The following PIP4K2A variants were observed in gnomAD, a reference collection of about 807,000 sequenced individuals.
PIP4K2A encodes the protein phosphatidylinositol 5-phosphate 4-kinase type-2 alpha.
Under a neutral mutation model 42.9 loss-of-function variants are expected in PIP4K2A, and 14 were observed. The observed-to-expected ratio is 0.33, with a 90% CI of 0.22 to 0.51. PIP4K2A has a LOEUF of 0.51. PIP4K2A is among the 20% of genes least tolerant of loss of function. The probability of loss-of-function intolerance (pLI) is 0.97; values close to 1 mark genes in which losing one functional copy is unlikely to be tolerated. For missense variants in PIP4K2A, 434 were observed against 519.8 expected, an observed-to-expected ratio of 0.83 and a Z score of 1.61; for synonymous variants, 192 against 192.2, an observed-to-expected ratio of 1.00 and a Z score of 0.01.
intron 1 of PIP4K2A, among the ~76,000 whole-genome samples, chr10:22,677,026 CCTTAT>C (rs1237458322): frequency 6.6e-6 from 1 of 152,160 alleles, no homozygotes; most frequent in Admixed American, 6.5e-5. Context: ...AAATTACTTT[CCTTAT>C]ATTTCTCTTT....
intron 4 of PIP4K2A, among the ~76,000 whole-genome samples, chr10:22,591,414 C>T (rs188425499): frequency 6.6e-6 from 1 of 152,210 alleles, no homozygotes; most frequent in African/African-American, 2.4e-5. Flanking sequence ...AAGTGTTATA[C>T]AAATAATGAA....
chr10:22,594,735 A>C (rs1056840182), intron 3 of PIP4K2A, among the ~76,000 whole-genome samples: 1 of 152,214 alleles, frequency 6.6e-6, no homozygotes, highest in African/African-American at 2.4e-5. Context: ...GAAACGTAAA[A>C]GCAAATAATG....
At chr10:22,638,939 C>T (rs1042084535) in intron 1 of PIP4K2A, among the ~76,000 whole-genome samples, 2 of 152,130 alleles carry the variant, frequency 1.3e-5, no homozygotes, top group Non-Finnish European at 2.9e-5. Flanking sequence ...TTTTTGTTAG[C>T]ACCACCCTGA....
intron 7 of PIP4K2A, 28 bp downstream of exon 7, chr10:22,550,631 G>T: frequency 8.7e-7 from 1 of 1,144,626 alleles, no homozygotes; most frequent in Non-Finnish European, 1.3e-6. Context: ...TATACAATGA[G>T]TCTGGCCTCT....
chr10:22,553,055 A>C (rs1008331132), intron 6 of PIP4K2A, among the ~76,000 whole-genome samples: 2 of 152,140 alleles, frequency 1.3e-5, no homozygotes, highest in African/African-American at 4.8e-5. Context: ...GGAAAGTATA[A>C]TCCTACCTCA....
intron 1 of PIP4K2A, among the ~76,000 whole-genome samples, chr10:22,628,412 C>G (rs998154225): frequency 1.3e-5 from 2 of 151,982 alleles, no homozygotes; most frequent in African/African-American, 4.8e-5. Flanking sequence ...AAAATTGTAC[C>G]CTAAATGCTT....
chr10:22,566,673 A>G (rs1261947309), intron 6 of PIP4K2A, among the ~76,000 whole-genome samples: 1 of 150,824 alleles, frequency 6.6e-6, no homozygotes, highest in African/African-American at 2.4e-5. Context: ...TGCACCAAAT[A>G]CTCCCCACTC....
At position 22,633,166 on chromosome 10, in the gene PIP4K2A, A is replaced by G. The variant is rs145292156; in HGVS notation, c.145-23449T>C. ...GGTCACAGAGACCTTTGCATGGCGC[A>G]GGGGATTCAGATCTGGGCAACACAG... is the stretch of plus-strand genomic sequence containing the variant. On this transcript the variant is annotated intron_variant, in intron 1 of 9. Coordinates refer to ENST00000376573, the MANE Select transcript of PIP4K2A (RefSeq NM_005028.5). 5.7e-3 allele frequency among the ~76,000 whole-genome samples: 869 copies of G among 152,342 alleles called. 5 individuals carry two copies. Among genetic ancestry groups the G allele is most frequent in the African/African-American group, 0.02 (817 of 41,578 alleles).
chr10:22,539,744 T>C, intron 9 of PIP4K2A: 1 of 534,188 alleles, frequency 1.9e-6, no homozygotes, highest in South Asian at 2.4e-5. Flanking sequence ...CAGTAAGCGT[T>C]TGTGGGTTCT....
chr10:22,581,806 C>T (rs915206504), intron 4 of PIP4K2A, among the ~76,000 whole-genome samples: 4 of 151,866 alleles, frequency 2.6e-5, no homozygotes, highest in African/African-American at 9.7e-5. Flanking sequence ...TTTTTTCTGT[C>T]TTTTTTTAAA....
intron 3 of PIP4K2A, among the ~76,000 whole-genome samples, chr10:22,602,060 C>T (rs981928891): frequency 2.6e-5 from 4 of 152,122 alleles, no homozygotes; most frequent in African/African-American, 9.7e-5. Context: ...TATCTCCCTT[C>T]TATGCATTCT....
chr10:22,544,000 G>C (rs1163591519), intron 7 of PIP4K2A, among the ~76,000 whole-genome samples: 1 of 152,186 alleles, frequency 6.6e-6, no homozygotes, highest in African/African-American at 2.4e-5. Context: ...TTCAGGGCCT[G>C]TTCTGAGCCT....
chr10:22,614,949 G>T (rs1479830672), intron 1 of PIP4K2A, among the ~76,000 whole-genome samples: 1 of 152,118 alleles, frequency 6.6e-6, no homozygotes, highest in Non-Finnish European at 1.5e-5. Context: ...AGCGCTCTGG[G>T]CTGTGAACTT....
At chr10:22,704,185 T>C (rs1833766888) in intron 1 of PIP4K2A, among the ~76,000 whole-genome samples, 1 of 152,042 alleles carries the variant, frequency 6.6e-6, no homozygotes. Flanking sequence ...AATGTAATTG[T>C]AGAAGATGAT....
intron 4 of PIP4K2A, among the ~76,000 whole-genome samples, chr10:22,580,518 A>G (rs1283520193): frequency 6.6e-6 from 1 of 151,948 alleles, no homozygotes; most frequent in Non-Finnish European, 1.5e-5. Flanking sequence ...CAGTGAGAAG[A>G]AGAGCATGTA....
chr10:22,598,381 T>C (rs571089695), intron 3 of PIP4K2A, among the ~76,000 whole-genome samples: 67 of 152,188 alleles, frequency 4.4e-4, no homozygotes, highest in Middle Eastern at 6.8e-3. Context: ...ACAGACAAAA[T>C]TGGGGATTCT....
At chr10:22,583,836 C>T (rs535180321) in intron 4 of PIP4K2A, among the ~76,000 whole-genome samples, 79 of 152,302 alleles carry the variant, frequency 5.2e-4, no homozygotes, top group African/African-American at 1.5e-3. Context: ...TGAGCGTGTA[C>T]GGTCTGCAGA....
At chr10:22,546,931 CTT>C (rs935190410) in intron 7 of PIP4K2A, among the ~76,000 whole-genome samples, 3 of 152,166 alleles carry the variant, frequency 2.0e-5, no homozygotes, top group Non-Finnish European at 4.4e-5. Flanking sequence ...ATTTTTCAGT[CTT>C]TATTTAGGTC....
intron 4 of PIP4K2A, among the ~76,000 whole-genome samples, chr10:22,580,650 C>T (rs981513355): frequency 6.6e-6 from 1 of 152,238 alleles, no homozygotes; most frequent in Non-Finnish European, 1.5e-5. Context: ...GGCTCAACCA[C>T]AAGACAATCT....
Sources: allele counts gnomAD v4.1 joint callset (sites outside exome capture counted in the v4.1 genomes callset), GRCh38; gene constraint gnomAD v4.1.1; transcripts MANE v1.5; gene names NCBI Gene and HGNC (gene_info 2026-07-23, HGNC 2026-07-21).